The following WNT5A variants were observed in gnomAD, a reference collection of about 807,000 sequenced individuals.
The protein encoded by WNT5A is protein Wnt-5a.
A neutral mutation model predicts 42.1 loss-of-function variants in WNT5A; 9 were observed. The ratio of observed to expected loss-of-function variants is 0.21; its 90% CI spans 0.13 to 0.37. The LOEUF is 0.37. Ranked by LOEUF, WNT5A falls within the 10% of genes least tolerant of loss-of-function variation. WNT5A has a pLI of 1.00. For synonymous variants in WNT5A, 210 were observed against 210.0 expected (o/e 1.00, Z 0.00); for missense variants, 426 against 534.0 (o/e 0.80, Z 1.99).
At chr3:55,475,217 G>A (rs1489138742) in intron 3 of WNT5A, among the ~76,000 whole-genome samples, 4 of 152,264 alleles carry the variant, frequency 2.6e-5, no homozygotes, top group East Asian at 1.9e-4. Flanking sequence ...AGTCATTGAA[G>A]GAACACTCAG....
At chr3:55,482,258 T>C (rs528504756) in intron 1 of WNT5A, among the ~76,000 whole-genome samples, 1 of 152,306 alleles carries the variant, frequency 6.6e-6, no homozygotes, top group South Asian at 2.1e-4. Flanking sequence ...GGAGTTGGCC[T>C]TGGAAGCTTC....
intron 4 of WNT5A, among the ~76,000 whole-genome samples, chr3:55,471,356 T>C (rs920153876): frequency 6.6e-6 from 1 of 152,148 alleles, no homozygotes; most frequent in East Asian, 1.9e-4. Context: ...CCCCATCTAC[T>C]ACCCCGCTAG....
chr3:55,495,200 C>T (rs747355094), upstream of WNT5A, among the ~76,000 whole-genome samples: 3 of 152,146 alleles, frequency 2.0e-5, no homozygotes, highest in African/African-American at 2.4e-5. Context: ...ATGAGCACAT[C>T]GAAAATTTGT....
the WNT5A span, among the ~76,000 whole-genome samples, chr3:55,495,613 C>A: frequency 2.0e-5 from 3 of 152,300 alleles, no homozygotes; most frequent in South Asian, 4.1e-4. Flanking sequence ...GATTCCATAT[C>A]TCCATATTCA....
upstream of WNT5A, among the ~76,000 whole-genome samples, chr3:55,488,862 ACCT>A (rs2051623153): frequency 6.6e-6 from 1 of 151,620 alleles, no homozygotes; most frequent in Non-Finnish European, 1.5e-5. Context: ...CTCATGGGGG[ACCT>A]CCTCATTCTT....
At chr3:55,479,140 G>A (rs1322431613) in intron 3 of WNT5A, 174 bp downstream of exon 3, 2 of 596,522 alleles carry the variant, frequency 3.4e-6, no homozygotes, top group African/African-American at 3.8e-5. Context: ...CTTATCATCA[G>A]GTGTAGGGAC....
the WNT5A span, among the ~76,000 whole-genome samples, chr3:55,498,696 T>C: frequency 1.3e-5 from 2 of 152,120 alleles, no homozygotes; most frequent in East Asian, 3.9e-4. Flanking sequence ...TGACTTAAGG[T>C]AGGGGCATGT....
chr3:55,466,433 A>G lies in WNT5A; in HGVS notation c.*3659T>C, dbSNP rs1484019395. On this transcript the variant is annotated 3_prime_UTR_variant, in exon 5 of 5. Coordinates refer to ENST00000264634, the MANE Select transcript of WNT5A (RefSeq NM_003392.7). ...ATATTTGATAATTCTAGTGGCTTGA[A>G]TAATGTTTTGTAAAAACAAATTGAA... is the stretch of plus-strand genomic sequence containing the variant. 3 of 152,200 alleles carry G rather than the reference A, an allele frequency of 2.0e-5. No individual in the cohort carries two copies. Among genetic ancestry groups the G allele is most frequent in the Non-Finnish European group, 4.4e-5 (3 of 68,034 alleles). 9.4% of individuals were successfully genotyped at this position (152,200 alleles called of 1,614,324 possible).
At position 55,480,765 on chromosome 3, in the gene WNT5A, C is replaced by A; in HGVS notation, c.140+20G>T. On this transcript the variant is annotated intron_variant, in intron 2 of 4. Transcript: ENST00000264634. ...AAAAAGAAAAAGAAGAGGAAGAACA[C>A]GCACATAGAATGAACTTACCACCAA... is the stretch of plus-strand genomic sequence containing the variant. The A allele has an allele frequency of 6.6e-7, 1 of 1,515,190 alleles. No homozygotes were observed. The highest frequency in any genetic ancestry group is 8.8e-7 in the Non-Finnish European group (1 of 1,131,666). 93.9% of individuals were successfully genotyped at this position (1,515,190 alleles called of 1,614,324 possible).
intron 1 of WNT5A, among the ~76,000 whole-genome samples, chr3:55,482,925 T>G (rs761524446): frequency 4.6e-5 from 7 of 152,148 alleles, no homozygotes; most frequent in Non-Finnish European, 1.0e-4. Context: ...ATTTACACAC[T>G]CACACGCGTG....
intron 1 of WNT5A, among the ~76,000 whole-genome samples, chr3:55,484,705 C>T (rs2051541737): frequency 6.7e-6 from 1 of 149,358 alleles, no homozygotes; most frequent in Non-Finnish European, 1.5e-5. Flanking sequence ...CACACACACA[C>T]ACACACACAC....
chr3:55,485,286 G>T (rs2051555719), intron 1 of WNT5A, among the ~76,000 whole-genome samples: 1 of 139,882 alleles, frequency 7.1e-6, no homozygotes, highest in Non-Finnish European at 1.5e-5. Flanking sequence ...GCACCGCACC[G>T]CGGGGAAGAA....
chr3:55,481,429 G>C (rs1309345770), intron 1 of WNT5A: 1 of 985,156 alleles, frequency 1.0e-6, no homozygotes, highest in Non-Finnish European at 1.2e-6. Context: ...CAAGGAGGCG[G>C]GGTGGCCAGC....
chr3:55,491,586 A>T (rs1003266870), upstream of WNT5A, among the ~76,000 whole-genome samples: 1 of 152,256 alleles, frequency 6.6e-6, no homozygotes, highest in African/African-American at 2.4e-5. Flanking sequence ...AGCAGGGGAA[A>T]GCAGGGCCTG....
intron 1 of WNT5A, chr3:55,481,428 G>T (rs900605913): frequency 1.0e-6 from 1 of 985,200 alleles, no homozygotes; most frequent in Non-Finnish European, 1.2e-6. Flanking sequence ...CCAAGGAGGC[G>T]GGGTGGCCAG....
intron 3 of WNT5A, 46 bp downstream of exon 3, chr3:55,479,268 G>A (rs918616621): frequency 5.5e-6 from 8 of 1,441,724 alleles, no homozygotes; most frequent in Non-Finnish European, 6.4e-6. Context: ...TTTCTTCTAG[G>A]AAAAAAAGTT....
chr3:55,480,726 C>T (rs1379618555), intron 2 of WNT5A, 59 bp downstream of exon 2: 8 of 1,468,250 alleles, frequency 5.4e-6, no homozygotes, highest in Non-Finnish European at 6.3e-6. Flanking sequence ...CCGCATCATA[C>T]AAACAAATCT....
chr3:55,474,480 C>T lies in WNT5A; in HGVS notation c.541G>A (p.Gly181Ser), dbSNP rs765913129. ...KDLPRDWLWG[G>S]CGDNIDYGYR... ...CCATAGTCGATGTTGTCGCCGCAGC[C>T]GCCCCAGAGCCAGTCCCGCGGCAGG... The change falls in exon 4 of 5, where the codon GGC becomes AGC. Residue 181 changes from glycine (G) to serine (S), a missense_variant. By Grantham distance (56) the Gly-to-Ser change is moderately conservative. This residue lies in a region of WNT5A where 358 missense variants were observed against 468.1 expected (regional missense o/e 0.76). Transcript: ENST00000264634. 6 of 1,600,508 alleles carry T rather than the reference C, an allele frequency of 3.7e-6. No homozygotes were observed. The highest frequency in any genetic ancestry group is 3.4e-5 in the South Asian group (3 of 89,220).
intron 1 of WNT5A, 36 bp downstream of exon 1, chr3:55,486,944 G>T: frequency 6.3e-7 from 1 of 1,581,768 alleles, no homozygotes; most frequent in Non-Finnish European, 8.7e-7. Context: ...GTGGGGGGAA[G>T]TAAAGAAAAA....
Sources: allele counts gnomAD v4.1 joint callset (sites outside exome capture counted in the v4.1 genomes callset), GRCh38; gene constraint gnomAD v4.1.1; regional missense constraint gnomAD v4.1.1; transcripts MANE v1.5; gene names NCBI Gene and HGNC (gene_info 2026-07-23, HGNC 2026-07-21).